Variants in VASH1 observed in about 807,000 individuals in gnomAD.
VASH1 encodes vasohibin 1.
In VASH1, 16 loss-of-function variants were observed where a neutral mutation model predicts 35.0. That is an observed-to-expected ratio of 0.46 (90% CI 0.31 to 0.70). The LOEUF is 0.70. VASH1 is among the 30% of genes least tolerant of loss of function. The pLI is 0.05. For synonymous variants in VASH1, 214 were observed against 200.9 expected (o/e 1.07, Z -0.55); for missense variants, 505 against 510.7 (o/e 0.99, Z 0.11).
At chr14:76,764,887 T>TC (rs1893601572) in intron 1 of VASH1, among the ~76,000 whole-genome samples, 1 of 152,084 alleles carries the variant, frequency 6.6e-6, no homozygotes, top group South Asian at 2.1e-4. Context: ...GGTTTCATTT[T>TC]CAACATTTTG....
At chr14:76,769,304 G>A in intron 1 of VASH1, 1 of 1,288,850 alleles carries the variant, frequency 7.8e-7, no homozygotes, top group South Asian at 1.2e-5. Context: ...GAGCTGGCAG[G>A]AAAGAGAAGA....
intron 1 of VASH1, among the ~76,000 whole-genome samples, chr14:76,764,780 G>A (rs982639335): frequency 2.0e-5 from 3 of 151,028 alleles, no homozygotes; most frequent in African/African-American, 7.3e-5. Context: ...CCACCTCCCT[G>A]GTTCAAGTGA....
rs1036995854 is a variant in VASH1, at chr14:76,762,059, C to G, written c.-763C>G. 2.6e-5 allele frequency: 4 copies of G among 152,544 alleles called. No homozygotes were observed. Among genetic ancestry groups the G allele is most frequent in the Non-Finnish European group, 4.4e-5 (3 of 68,336 alleles). 9.4% of individuals were successfully genotyped at this position (152,544 alleles called of 1,614,324 possible). A position where few individuals can be genotyped will look rare whatever the true frequency, so the allele number is the denominator to read the frequency against. On this transcript the variant is annotated 5_prime_UTR_variant, in exon 1 of 7. Transcript: ENST00000167106. ...TCGCAGCCTTCGCCTCCCCGCCGCGCCCGCTCCCTTTCTGGGGACTCCGCC... is the reference window on the plus strand; with the variant it reads ...TCGCAGCCTTCGCCTCCCCGCCGCGGCCGCTCCCTTTCTGGGGACTCCGCC...
rs1393195441 is a variant in VASH1, at chr14:76,782,666, A to G, written c.*3648A>G. The G allele has an allele frequency of 6.6e-6, 1 of 152,478 alleles. No individual in the cohort carries two copies. 9.4% of individuals were successfully genotyped at this position (152,478 alleles called of 1,614,324 possible). ...CCGCCAGGTACCATCGCCTCCTGCC[A>G]GCTTCCTTAGACCAGGCAGGGCTGC... On this transcript the variant is annotated 3_prime_UTR_variant, in exon 7 of 7. Transcript: ENST00000167106.
At chr14:76,776,920 C>T (rs145733948) in intron 5 of VASH1, among the ~76,000 whole-genome samples, 121 of 149,982 alleles carry the variant, frequency 8.1e-4, no homozygotes, top group South Asian at 1.7e-3. Flanking sequence ...CTGGAGCCTC[C>T]GCCTCAACCA....
intron 5 of VASH1, among the ~76,000 whole-genome samples, chr14:76,776,812 C>T (rs1893958582): frequency 6.6e-6 from 1 of 152,162 alleles, no homozygotes. Context: ...AGGCAGAATT[C>T]TGACATCTGC....
In VASH1 at chr14:76,761,662, G is replaced by A. The variant is rs1405720961; in HGVS notation, c.-1160G>A. ...GCACCAGCGCAGCGCGCGCTCGCCC[G>A]GCTTCGTCACTCGCCTCCAGCTACA... is the stretch of plus-strand genomic sequence containing the variant. On this transcript the variant is annotated 5_prime_UTR_variant, in exon 1 of 7. Coordinates refer to ENST00000167106, the MANE Select transcript of VASH1 (RefSeq NM_014909.5). Among the ~76,000 whole-genome samples the A allele has an allele frequency of 6.6e-6, 1 of 151,916 alleles. No homozygotes were observed. The highest frequency in any genetic ancestry group is 1.9e-4 in the East Asian group (1 of 5,184).
At chr14:76,774,497 G>C (rs941385334) in intron 4 of VASH1, 3 of 152,298 alleles carry the variant, frequency 2.0e-5, no homozygotes, top group East Asian at 1.9e-4. Context: ...AGGACACACA[G>C]AAGTCACTCC....
rs1212649038 is a variant in VASH1, at chr14:76,762,009, G to A, written c.-813G>A. On this transcript the variant is annotated 5_prime_UTR_variant, in exon 1 of 7. The change creates a new upstream start codon in the 5' untranslated region. Coordinates refer to ENST00000167106, the MANE Select transcript of VASH1 (RefSeq NM_014909.5). ...CGTCCTCCCGCTGAGACGCGCCCGA[G>A]TGGGGACCCGCTGGGCCTCGGGGCT... Among the ~76,000 whole-genome samples the A allele has an allele frequency of 6.6e-6, 1 of 152,122 alleles. No individual in the cohort carries two copies. The highest frequency in any genetic ancestry group is 2.4e-5 in the African/African-American group (1 of 41,440).
In VASH1 at chr14:76,773,154, A is replaced by G; in HGVS notation, c.473A>G (p.Lys158Arg). 6.2e-7 allele frequency: 1 copy of G among 1,614,020 alleles called. No individual in the cohort carries two copies. Among genetic ancestry groups the G allele is most frequent in the Non-Finnish European group, 8.5e-7 (1 of 1,179,938 alleles). ...TCCCACAGGCTGATGGACCTGGCCAAGGAAATGACCAAAGAGGCCCTGCCA... is the reference window on the plus strand; with the variant it reads ...TCCCACAGGCTGATGGACCTGGCCAGGGAAATGACCAAAGAGGCCCTGCCA... ...RPLTGLMDLAKEMTKEALPIK... is the reference protein window; with the variant it reads ...RPLTGLMDLAREMTKEALPIK... The change falls in exon 4 of 7, where the codon AAG (lysine) becomes AGG (arginine). Residue 158 changes from lysine to arginine, a missense_variant. Transcript: ENST00000167106.
At position 76,776,319 on chromosome 14, in the gene VASH1, C is replaced by T. The variant is rs139634331; in HGVS notation, c.912+46C>T. 2,471 of 1,476,360 alleles carry T rather than the reference C, an allele frequency of 1.7e-3. 6 individuals carry two copies. Among genetic ancestry groups the T allele is most frequent in the Non-Finnish European group, 2.1e-3 (2,316 of 1,110,570 alleles). The allele number at this position is 1,476,360 out of a possible 1,614,324, so 91.5% of individuals were successfully genotyped here. A position where few individuals can be genotyped will look rare whatever the true frequency, so the allele number is the denominator to read the frequency against. On this transcript the variant is annotated intron_variant, in intron 5 of 6. Transcript: ENST00000167106. ...CTCGCCCCCTCCCTCGCCCCCTCCC[C>T]CGCCCCAGCAGAGGCGATGTGAGGA...
chr14:76,775,748 C>T (rs188085631), intron 4 of VASH1, 144 bp from the exon 5 acceptor site: 3 of 1,279,094 alleles, frequency 2.3e-6, no homozygotes, highest in Admixed American at 2.9e-5. Flanking sequence ...CAGGAGGAGA[C>T]GCCAGGCGTA....
Position 76,775,944 on chromosome 14 carries a change from A to C in VASH1, c.583A>C (p.Thr195Pro). 6.2e-7 allele frequency: 1 copy of C among 1,607,942 alleles called. No individual in the cohort carries two copies. The highest frequency in any genetic ancestry group is 8.5e-7 in the Non-Finnish European group (1 of 1,177,440). ...TLERFPISFK[T>P]YFSGNYFRHI... The stretch of plus-strand genomic sequence containing the variant: ...GGAGCGCTTCCCCATCAGCTTCAAG[A>C]CCTACTTCTCAGGGAACTACTTCCG... Residue 195 changes from threonine (T) to proline (P), a missense_variant, in exon 5 of 7, where the codon ACC becomes CCC. Transcript: ENST00000167106.
chr14:76,779,571 C>T lies in VASH1; in HGVS notation c.*553C>T. On this transcript the variant is annotated 3_prime_UTR_variant, in exon 7 of 7. Transcript: ENST00000167106. Reference sequence around the variant, plus strand: ...AGAAAGGTCTGTGTAGCCCATTAACCAGGAGCTTGGCACAGGCCACATCTG... The same window carrying T: ...AGAAAGGTCTGTGTAGCCCATTAACTAGGAGCTTGGCACAGGCCACATCTG... 1 of 659,502 alleles carries T rather than the reference C, an allele frequency of 1.5e-6. No homozygotes were observed. Among genetic ancestry groups the T allele is most frequent in the Non-Finnish European group, 2.7e-6 (1 of 364,018 alleles). 40.9% of individuals were successfully genotyped at this position (659,502 alleles called of 1,614,324 possible).
chr14:76,763,196 G>A (rs2270324), intron 1 of VASH1, 66 bp downstream of exon 1: 1,195,306 of 1,336,894 alleles, frequency 0.89, 535,708 homozygotes, highest in Middle Eastern at 0.94. Context: ...GGCCAAGAGT[G>A]AAGCCACACT....
chr14:76,772,253 A>AGAAAT (rs1358001369), intron 3 of VASH1, among the ~76,000 whole-genome samples: 1 of 152,204 alleles, frequency 6.6e-6, no homozygotes, highest in African/African-American at 2.4e-5. Flanking sequence ...AGAAAAGAAA[A>AGAAAT]AGAAAAAGAA....
chr14:76,765,919 A>C (rs996531457), intron 1 of VASH1, among the ~76,000 whole-genome samples: 1 of 152,198 alleles, frequency 6.6e-6, no homozygotes, highest in Non-Finnish European at 1.5e-5. Flanking sequence ...GTGTCATAAA[A>C]GGAGAGCACT....
At position 76,778,045 on chromosome 14, in the gene VASH1, C is replaced by A; in HGVS notation, c.999C>A (p.His333Gln). 1 of 1,518,298 alleles carries A rather than the reference C, an allele frequency of 6.6e-7. No individual in the cohort carries two copies. Among genetic ancestry groups the A allele is most frequent in the East Asian group, 2.7e-5 (1 of 36,762 alleles). 94.1% of individuals were successfully genotyped at this position (1,518,298 alleles called of 1,614,324 possible). Reference protein sequence around the residue: ...SSPQRAQSSPHRRNSRSERRP... With the variant: ...SSPQRAQSSPQRRNSRSERRP... Reference sequence around the variant, plus strand: ...CGCAGCGGGCCCAGTCCAGCCCCCACCGCAGGAACAGCCGCAGTGAAAGAC... The same window carrying A: ...CGCAGCGGGCCCAGTCCAGCCCCCAACGCAGGAACAGCCGCAGTGAAAGAC... Residue 333 changes from histidine (H) to glutamine (Q), a missense_variant, in exon 6 of 7, where the codon CAC (histidine) becomes CAA (glutamine). By Grantham distance (24) the His-to-Gln change is conservative. Coordinates refer to ENST00000167106, the MANE Select transcript of VASH1 (RefSeq NM_014909.5).
rs1167283865 is a variant in VASH1, at chr14:76,761,577, G to A, written c.-1245G>A. ...GCAGCGGCGGCCCCAGCTTCGCCGAGCAGCGATCGGCTGGTGGGCTTCTCG... is the reference window on the plus strand; with the variant it reads ...GCAGCGGCGGCCCCAGCTTCGCCGAACAGCGATCGGCTGGTGGGCTTCTCG... On this transcript the variant is annotated 5_prime_UTR_variant, in exon 1 of 7. Transcript: ENST00000167106. Among the ~76,000 whole-genome samples the A allele has an allele frequency of 2.6e-5, 4 of 152,016 alleles. No individual in the cohort carries two copies. Among genetic ancestry groups the A allele is most frequent in the Non-Finnish European group, 4.4e-5 (3 of 67,966 alleles).
Sources: gnomAD v4.1 joint callset for allele counts (sites outside exome capture counted in the v4.1 genomes callset) on GRCh38, gnomAD v4.1.1 for gene constraint, MANE v1.5 for transcripts, NCBI Gene and HGNC (gene_info 2026-07-23, HGNC 2026-07-21) for gene names.